ACTR3C: variants seen among roughly 807,000 people sequenced by gnomAD.
ACTR3C encodes the protein actin-related protein 3C.
A neutral mutation model predicts 26.3 loss-of-function variants in ACTR3C; 18 were observed. That is an observed-to-expected ratio of 0.68 (90% CI 0.47 to 1.01). ACTR3C has a LOEUF of 1.01. Among genes scored for constraint, ACTR3C ranks in the 50% least tolerant of loss-of-function variants. ACTR3C has a pLI of 0.00. For missense variants in ACTR3C, 184 were observed against 250.7 expected (o/e 0.73, Z 1.80); for synonymous variants, 55 against 94.5 (o/e 0.58, Z 2.42).
chr7:150,288,735 T>G (rs1835976147), intron 4 of ACTR3C, among the ~76,000 whole-genome samples: 2 of 146,306 alleles, frequency 1.4e-5, no homozygotes, highest in South Asian at 4.7e-4. Context: ...GGACCACGTC[T>G]TCCCCACATC....
chr7:149,963,981 G>C, the ACTR3C span, among the ~76,000 whole-genome samples: 3 of 152,112 alleles, frequency 2.0e-5, no homozygotes, highest in African/African-American at 4.8e-5. Context: ...ACAAAGGAAG[G>C]AGTGGTCATT....
chr7:149,993,424 C>T, the ACTR3C span, among the ~76,000 whole-genome samples: 74,989 of 151,840 alleles, frequency 0.49, 19,229 homozygotes, highest in Non-Finnish European at 0.57. Flanking sequence ...ATGAGGCCCT[C>T]GCTTAGAGGA....
intron 7 of ACTR3C, chr7:150,247,908 C>T (rs1299578763): frequency 1.3e-5 from 2 of 152,254 alleles, no homozygotes; most frequent in Non-Finnish European, 2.9e-5. Context: ...AGTCAAAGCT[C>T]CCTGAGCCCT....
the ACTR3C span, among the ~76,000 whole-genome samples, chr7:150,102,335 C>T: frequency 1.3e-5 from 2 of 151,774 alleles, no homozygotes; most frequent in African/African-American, 2.4e-5. Context: ...AGGATTTATT[C>T]GATTACTGCA....
In ACTR3C at chr7:150,295,270, T is replaced by A; in HGVS notation, c.27A>T (p.Gly9=). Residue 9 remains glycine (G), a synonymous_variant, in exon 2 of 8, where the codon GGA becomes GGT. Coordinates refer to ENST00000683684, the MANE Select transcript of ACTR3C (RefSeq NM_001164458.2). The part of the protein sequence containing the change: MFESFNVP[G]LYIAVQAVLA... ...GTTTTACCTGAACTGCAATGTAGAG[T>A]CCTGGAACGTTAAATGATTCGAACA... The A allele has an allele frequency of 6.2e-7, 1 of 1,613,964 alleles. No individual in the cohort carries two copies. The highest frequency in any genetic ancestry group is 8.5e-7 in the Non-Finnish European group (1 of 1,179,862).
chr7:150,153,174 T>C, the ACTR3C span, among the ~76,000 whole-genome samples: 1 of 152,182 alleles, frequency 6.6e-6, no homozygotes, highest in Non-Finnish European at 1.5e-5. Flanking sequence ...GAGGACTTCA[T>C]GTGTAAAACA....
the ACTR3C span, among the ~76,000 whole-genome samples, chr7:149,989,018 C>A: frequency 6.6e-6 from 1 of 152,162 alleles, no homozygotes; most frequent in Non-Finnish European, 1.5e-5. Context: ...TGAGATGTCA[C>A]CAGGCATGGA....
the ACTR3C span, among the ~76,000 whole-genome samples, chr7:150,227,894 T>C: frequency 6.6e-6 from 1 of 152,128 alleles, no homozygotes. Flanking sequence ...TTGATTATTA[T>C]AGCTTTATAG....
the ACTR3C span, among the ~76,000 whole-genome samples, chr7:149,949,702 T>C: frequency 6.8e-6 from 1 of 147,120 alleles, no homozygotes. Flanking sequence ...TCCTGTGTTA[T>C]TTTGGATGCT....
chr7:149,933,487 G>A, the ACTR3C span, among the ~76,000 whole-genome samples: 1 of 152,126 alleles, frequency 6.6e-6, no homozygotes, highest in Admixed American at 6.5e-5. Flanking sequence ...GGACTATCTG[G>A]TTAAGCCAGC....
At chr7:149,969,269 CTGTGTGTGTGTGTGTGTGTGTG>C in the ACTR3C span, among the ~76,000 whole-genome samples, 5,828 of 141,438 alleles carry the variant, frequency 0.041, 189 homozygotes, top group African/African-American at 0.077. Context: ...TCAGAAAGAG[CTGTGTGTGTGTGTGTGTGTGTG>C]TGTGTGTGTG....
the ACTR3C span, among the ~76,000 whole-genome samples, chr7:149,927,368 G>C: frequency 4.6e-5 from 7 of 150,740 alleles, no homozygotes; most frequent in African/African-American, 1.7e-4. Flanking sequence ...AAGTGGGGTG[G>C]CTTTTGGGAG....
the ACTR3C span, among the ~76,000 whole-genome samples, chr7:150,236,504 G>T: frequency 6.6e-6 from 1 of 152,172 alleles, no homozygotes; most frequent in African/African-American, 2.4e-5. Context: ...TAGGACCTAT[G>T]ATTGATCGTA....
the ACTR3C span, among the ~76,000 whole-genome samples, chr7:149,925,430 G>A: frequency 6.6e-6 from 1 of 152,130 alleles, no homozygotes; most frequent in Non-Finnish European, 1.5e-5. Context: ...GGAATTAGAT[G>A]GGCAGGGGAA....
the ACTR3C span, among the ~76,000 whole-genome samples, chr7:150,177,639 C>A: frequency 6.6e-6 from 1 of 150,842 alleles, no homozygotes; most frequent in East Asian, 1.9e-4. Context: ...ACAAAAGCTT[C>A]TCACTTATTA....
At chr7:150,230,557 C>G in the ACTR3C span, among the ~76,000 whole-genome samples, 2 of 152,058 alleles carry the variant, frequency 1.3e-5, no homozygotes, top group Non-Finnish European at 2.9e-5. Flanking sequence ...AGCGCAAGCC[C>G]TATTGTGAAC....
At chr7:150,214,821 G>A in the ACTR3C span, among the ~76,000 whole-genome samples, 1 of 151,344 alleles carries the variant, frequency 6.6e-6, no homozygotes, top group Non-Finnish European at 1.5e-5. Flanking sequence ...TACATACAGG[G>A]AACTATGAAT....
chr7:150,139,508 T>C, the ACTR3C span, among the ~76,000 whole-genome samples: 461 of 152,384 alleles, frequency 3.0e-3, 2 homozygotes, highest in African/African-American at 0.011. Flanking sequence ...ATGAGAGACC[T>C]AGATAAATGC....
chr7:150,042,604 G>T, the ACTR3C span, among the ~76,000 whole-genome samples: 1 of 149,130 alleles, frequency 6.7e-6, no homozygotes, highest in African/African-American at 2.6e-5. Flanking sequence ...ACTGCGATGG[G>T]AGTCCCAAGA....
Sources: gnomAD v4.1 joint callset for allele counts (sites outside exome capture counted in the v4.1 genomes callset) on GRCh38, gnomAD v4.1.1 for gene constraint, MANE v1.5 for transcripts, NCBI Gene and HGNC (gene_info 2026-07-23, HGNC 2026-07-21) for gene names.